Variants in PLEKHN1 observed in about 807,000 individuals in gnomAD.
The protein encoded by PLEKHN1 is pleckstrin homology domain containing N1.
In PLEKHN1, 68 loss-of-function variants were observed where a neutral mutation model predicts 72.8. The ratio of observed to expected loss-of-function variants is 0.93; its 90% CI spans 0.77 to 1.14. PLEKHN1 has a LOEUF of 1.14. Among genes scored for constraint, PLEKHN1 ranks in the 50% most tolerant of loss-of-function variants. PLEKHN1 has a pLI of 0.00. For missense variants in PLEKHN1, 1,015 were observed against 840.5 expected (o/e 1.21, Z -2.57); for synonymous variants, 454 against 371.6 (o/e 1.22, Z -2.55).
At position 970,195 on chromosome 1, in the gene PLEKHN1, T is replaced by C; in HGVS notation, c.184-82T>C. 6.8e-7 allele frequency: 1 copy of C among 1,473,840 alleles called. No individual in the cohort carries two copies. Among genetic ancestry groups the C allele is most frequent in the Non-Finnish European group, 9.3e-7 (1 of 1,079,094 alleles). 91.3% of individuals were successfully genotyped at this position (1,473,840 alleles called of 1,614,324 possible). The stretch of plus-strand genomic sequence containing the variant: ...GGCTATGCACAGGCAGACCATGCTA[T>C]AGTCCTGTAGCTGTGTGGATGCGAG... On this transcript the variant is annotated intron_variant, in intron 2 of 15. Transcript: ENST00000379410. The surrounding 1 kb of genome is among the most constrained non-coding windows in gnomAD (Gnocchi z 4.2).
Position 972,996 on chromosome 1 carries a change from T to G in PLEKHN1, c.1138T>G (p.Ser380Ala). ...SSVPSTVGCS[S>A]QHTPDQANSD... ...AGTGCCATCCACCGTGGGCTGCTCC[T>G]CCCAGCACACACCGGTGAGCGCTTA... is the stretch of plus-strand genomic sequence containing the variant. Residue 380 changes from serine (S) to alanine (A), a missense_variant, in exon 11 of 16, where the codon TCC (serine) becomes GCC (alanine). Transcript: ENST00000379410. 2.5e-6 allele frequency: 4 copies of G among 1,598,410 alleles called. No individual in the cohort carries two copies. Among genetic ancestry groups the G allele is most frequent in the Non-Finnish European group, 3.4e-6 (4 of 1,172,514 alleles).
chr1:971,618 G>A (rs964705772), intron 8 of PLEKHN1: 33 of 608,342 alleles, frequency 5.4e-5, no homozygotes, highest in Middle Eastern at 8.6e-4. Context: ...GTTCTTGACC[G>A]TCACCCTGGG....
At chr1:968,922 C>G (rs1255956197) in intron 2 of PLEKHN1, among the ~76,000 whole-genome samples, 1 of 152,142 alleles carries the variant, frequency 6.6e-6, no homozygotes, top group East Asian at 1.9e-4. Context: ...CTGCCAGGAC[C>G]CCGTTGTCCC....
intron 2 of PLEKHN1, among the ~76,000 whole-genome samples, chr1:968,073 C>T (rs1235847244): frequency 6.6e-6 from 1 of 152,226 alleles, no homozygotes; most frequent in Non-Finnish European, 1.5e-5. Context: ...CCCGGGGCCC[C>T]GAGGCTGAGC....
In PLEKHN1 at chr1:975,162, AAGG is replaced by A. The variant is rs951652819; in HGVS notation, c.*589_*591del. On this transcript the variant is annotated 3_prime_UTR_variant, in exon 16 of 16. Transcript: ENST00000379410. ...AAGAAGAGAAGAGAGAAGAGAAGAGAAGGAAAGAGAGAGAGAGAATAAGAAAAG... is the reference window on the plus strand; with the variant it reads ...AAGAAGAGAAGAGAGAAGAGAAGAGAAAAGAGAGAGAGAGAATAAGAAAAG... 2 of 152,408 alleles carry A rather than the reference AAGG, an allele frequency of 1.3e-5. No individual in the cohort carries two copies. Among genetic ancestry groups the A allele is most frequent in the African/African-American group, 4.8e-5 (2 of 41,348 alleles). The allele number at this position is 152,408 out of a possible 1,614,324, so 9.4% of individuals were successfully genotyped here. A position where few individuals can be genotyped will look rare whatever the true frequency, so the allele number is the denominator to read the frequency against.
chr1:971,449 G>C, intron 8 of PLEKHN1, 45 bp downstream of exon 8: 9 of 1,514,742 alleles, frequency 5.9e-6, no homozygotes, highest in Non-Finnish European at 8.1e-6. Flanking sequence ...AGGCAGCTGT[G>C]TGGGGGTGGG....
At position 970,877 on chromosome 1, in the gene PLEKHN1, A is replaced by G; in HGVS notation, c.485-2A>G. Reference sequence around the variant, plus strand: ...TGTGTGCCCTCTCTGCCCTGCCCGCAGGCCCACTGCCCGCACCCCTCCTGG... The same window carrying G: ...TGTGTGCCCTCTCTGCCCTGCCCGCGGGCCCACTGCCCGCACCCCTCCTGG... On this transcript the variant is annotated splice_acceptor_variant, in intron 5 of 15. Coordinates refer to ENST00000379410, the MANE Select transcript of PLEKHN1 (RefSeq NM_032129.3). LOFTEE classifies it high-confidence loss of function. The surrounding 1 kb of genome is among the most constrained non-coding windows in gnomAD (Gnocchi z 4.2). The G allele has an allele frequency of 6.2e-7, 1 of 1,611,408 alleles. No individual in the cohort carries two copies. The highest frequency in any genetic ancestry group is 1.3e-5 in the African/African-American group (1 of 74,960).
Position 974,181 on chromosome 1 carries a change from G to C in PLEKHN1, c.1653+130G>C, listed in dbSNP as rs965856496. On this transcript the variant is annotated intron_variant, in intron 14 of 15. Coordinates refer to ENST00000379410, the MANE Select transcript of PLEKHN1 (RefSeq NM_032129.3). The stretch of plus-strand genomic sequence containing the variant: ...ACGGGGGCAGATGGAGGCCAGGGGG[G>C]CCAGTAGGGAGTTGGGGAGATGGGA... 8 of 1,502,040 alleles carry C rather than the reference G, an allele frequency of 5.3e-6. 1 individual carries two copies. Among genetic ancestry groups the C allele is most frequent in the South Asian group, 1.1e-5 (1 of 87,576 alleles). 93.0% of individuals were successfully genotyped at this position (1,502,040 alleles called of 1,614,324 possible). A position where few individuals can be genotyped will look rare whatever the true frequency, so the allele number is the denominator to read the frequency against.
intron 6 of PLEKHN1, 21 bp from the exon 7 acceptor site, chr1:971,092 G>C: frequency 6.3e-7 from 1 of 1,585,834 alleles, no homozygotes. Context: ...CTGCGGAGAC[G>C]AACTCCCCTG....
chr1:974,305 T>G lies in PLEKHN1; in HGVS notation c.1654-11T>G. 1 of 1,612,942 alleles carries G rather than the reference T, an allele frequency of 6.2e-7. No individual in the cohort carries two copies. Among genetic ancestry groups the G allele is most frequent in the Non-Finnish European group, 8.5e-7 (1 of 1,179,996 alleles). ...GTGCCCGGCTCTCAGACTTGCGGTTTGGGGTTCCAGGTCTCCTCTGCCAGG... is the reference window on the plus strand; with the variant it reads ...GTGCCCGGCTCTCAGACTTGCGGTTGGGGGTTCCAGGTCTCCTCTGCCAGG... On this transcript the variant is annotated splice_polypyrimidine_tract_variant and intron_variant, in intron 14 of 15. Coordinates refer to ENST00000379410, the MANE Select transcript of PLEKHN1 (RefSeq NM_032129.3).
In PLEKHN1 at chr1:970,279, C is replaced by T. The variant is rs1643236519; in HGVS notation, c.186C>T (p.Asp62=). The change falls in exon 3 of 16, where the codon GAC becomes GAT. Residue 62 remains aspartate (D), a splice_region_variant and synonymous_variant. Coordinates refer to ENST00000379410, the MANE Select transcript of PLEKHN1 (RefSeq NM_032129.3). The surrounding 1 kb of genome is among the most constrained non-coding windows in gnomAD (Gnocchi z 4.2). The part of the protein sequence containing the change: ...NKLFHYIPGT[D]ILDLENQREN... ...CCCCTGAGCTCTACTCCTCCTAGGA[C>T]ATCCTGGACCTGGAGAACCAGCGAG... The T allele has an allele frequency of 1.2e-6, 2 of 1,612,874 alleles. No individual in the cohort carries two copies. The highest frequency in any genetic ancestry group is 1.7e-6 in the Non-Finnish European group (2 of 1,179,872).
rs538325304 is a variant in PLEKHN1, at chr1:967,725, G to A, written c.183+922G>A. On this transcript the variant is annotated intron_variant, in intron 2 of 15. Coordinates refer to ENST00000379410, the MANE Select transcript of PLEKHN1 (RefSeq NM_032129.3). The stretch of plus-strand genomic sequence containing the variant: ...CTCCCTGCAGACAAGTACTGGTTTC[G>A]GAAACCACGCTGCCTCAGAGGAGTG... 2.6e-5 allele frequency among the ~76,000 whole-genome samples: 4 copies of A among 152,304 alleles called. No individual in the cohort carries two copies. In the East Asian group the frequency reaches 5.8e-4, roughly 22 times the overall value.
In PLEKHN1 at chr1:970,868, C is replaced by T; in HGVS notation, c.485-11C>T. Reference sequence around the variant, plus strand: ...GTGTGTATGTGTGTGCCCTCTCTGCCCTGCCCGCAGGCCCACTGCCCGCAC... The same window carrying T: ...GTGTGTATGTGTGTGCCCTCTCTGCTCTGCCCGCAGGCCCACTGCCCGCAC... On this transcript the variant is annotated splice_polypyrimidine_tract_variant and intron_variant, in intron 5 of 15. Transcript: ENST00000379410. This position sits in a 1 kb window ranked among gnomAD's most constrained non-coding sequence, Gnocchi z 4.2. 3 of 1,611,800 alleles carry T rather than the reference C, an allele frequency of 1.9e-6. No individual in the cohort carries two copies. Among genetic ancestry groups the T allele is most frequent in the South Asian group, 1.1e-5 (1 of 91,072 alleles).
chr1:967,069 C>G (rs1205856885), intron 2 of PLEKHN1, among the ~76,000 whole-genome samples: 3 of 152,200 alleles, frequency 2.0e-5, no homozygotes. Flanking sequence ...GGGACCTCCT[C>G]CCGCAGGGGA....
Position 966,579 on chromosome 1 carries a change from C to T in PLEKHN1, c.48C>T (p.Ala16=), listed in dbSNP as rs1053032063. The change falls in exon 1 of 16, where the codon GCC becomes GCT. Residue 16 remains alanine (A), a synonymous_variant. Transcript: ENST00000379410. ...CVPQAPRRLR[A]SFSRKPSLKG... ...CTCAGGCCCCCAGGAGGCTCCGGGC[C>T]TCCTTCTCCAGAAAGCCCTCGCTGA... The T allele has an allele frequency of 1.2e-6, 2 of 1,610,906 alleles. No individual in the cohort carries two copies. Among genetic ancestry groups the T allele is most frequent in the African/African-American group, 1.3e-5 (1 of 74,908 alleles).
At chr1:973,046 A>G (rs1189367994) in intron 11 of PLEKHN1, 36 bp downstream of exon 11, 1 of 1,579,776 alleles carries the variant, frequency 6.3e-7, no homozygotes, top group Admixed American at 1.8e-5. Flanking sequence ...AAAGTGGGGC[A>G]GAAGGCTGTC....
intron 7 of PLEKHN1, 54 bp from the exon 8 acceptor site, chr1:971,270 G>T (rs370727692): frequency 6.4e-7 from 1 of 1,555,196 alleles, no homozygotes; most frequent in Non-Finnish European, 8.7e-7. Flanking sequence ...TGGGCAGGGC[G>T]GTGCAACAGC....
chr1:971,482 A>G, intron 8 of PLEKHN1, 78 bp downstream of exon 8: 1 of 1,338,836 alleles, frequency 7.5e-7, no homozygotes, highest in Non-Finnish European at 1.0e-6. Context: ...TGCAGGAGGA[A>G]CCTGTATTTC....
rs986480060 is a variant in PLEKHN1, at chr1:970,712, T to G, written c.438T>G (p.Ser146Arg). The G allele has an allele frequency of 1.7e-5, 28 of 1,600,404 alleles. No individual in the cohort carries two copies. The highest frequency in any genetic ancestry group is 2.7e-5 in the African/African-American group (2 of 74,734). Residue 146 changes from serine to arginine, a missense_variant, in exon 5 of 16, where the codon AGT becomes AGG. Transcript: ENST00000379410. This position sits in a 1 kb window ranked among gnomAD's most constrained non-coding sequence, Gnocchi z 4.2. ...GGCTGTTACCGCTGACGGAGCTGAGTGTCTGCCCGCTCGAGGGGTCCCGAG... is the reference window on the plus strand; with the variant it reads ...GGCTGTTACCGCTGACGGAGCTGAGGGTCTGCCCGCTCGAGGGGTCCCGAG... Reference protein sequence around the residue: ...FQGLLPLTELSVCPLEGSREH... With the variant: ...FQGLLPLTELRVCPLEGSREH...
Sources: allele counts gnomAD v4.1 joint callset (sites outside exome capture counted in the v4.1 genomes callset), GRCh38; gene constraint gnomAD v4.1.1; non-coding constraint Gnocchi (gnomAD v3.1); transcripts MANE v1.5; gene names NCBI Gene and HGNC (gene_info 2026-07-23, HGNC 2026-07-21).